VEZT: variants seen among roughly 807,000 people sequenced by gnomAD.
VEZT encodes the protein vezatin, adherens junctions transmembrane protein, also known as vezatin.
In VEZT, 39 loss-of-function variants were observed where a neutral mutation model predicts 79.9. The ratio of observed to expected loss-of-function variants is 0.49; its 90% CI spans 0.38 to 0.64. VEZT has a LOEUF of 0.64. Ranked by LOEUF, VEZT falls within the 30% of genes least tolerant of loss-of-function variation. The pLI, the probability that VEZT is intolerant of heterozygous loss-of-function variation, is 0.00. For missense variants in VEZT, 837 were observed against 893.1 expected (o/e 0.94, Z 0.80); for synonymous variants, 325 against 327.6 (o/e 0.99, Z 0.09).
chr12:95,250,682 A>G (rs567112189), intron 1 of VEZT, among the ~76,000 whole-genome samples: 1 of 151,954 alleles, frequency 6.6e-6, no homozygotes, highest in African/African-American at 2.4e-5. Flanking sequence ...CTGTTCAGAA[A>G]TAGTTGTCCA....
chr12:95,283,121 C>A (rs1313787305), intron 8 of VEZT, among the ~76,000 whole-genome samples: 2 of 152,106 alleles, frequency 1.3e-5, no homozygotes, highest in Admixed American at 6.5e-5. Flanking sequence ...TATCACAGGA[C>A]AAGCTTTGTG....
At chr12:95,289,129 T>TAAATAAATAAATAAAA (rs1343956093) in intron 9 of VEZT, among the ~76,000 whole-genome samples, 2 of 141,500 alleles carry the variant, frequency 1.4e-5, no homozygotes, top group Non-Finnish European at 1.6e-5. Flanking sequence ...AATAAATAAA[T>TAAATAAATAAATAAAA]AAAAAAGGCC....
chr12:95,294,339 C>G lies in VEZT; in HGVS notation c.1590C>G (p.His530Gln). The change falls in exon 10 of 12, where the codon CAC (histidine) becomes CAG (glutamine). Residue 530 changes from histidine (H) to glutamine (Q), a missense_variant. Physicochemically the swap from His to Gln is conservative, Grantham distance 24. Transcript: ENST00000436874. ...TVVPLKQPTLHIADKDPIPEE... is the reference protein window; with the variant it reads ...TVVPLKQPTLQIADKDPIPEE... ...TACCTTTGAAGCAGCCTACTCTACACATTGCAGACAAAGATCCAATCCCAG... is the reference window on the plus strand; with the variant it reads ...TACCTTTGAAGCAGCCTACTCTACAGATTGCAGACAAAGATCCAATCCCAG... 1 of 1,588,458 alleles carries G rather than the reference C, an allele frequency of 6.3e-7. No homozygotes were observed. Among genetic ancestry groups the G allele is most frequent in the Admixed American group, 1.8e-5 (1 of 56,074 alleles).
chr12:95,236,114 G>A (rs1229513469), intron 1 of VEZT, among the ~76,000 whole-genome samples: 2 of 152,150 alleles, frequency 1.3e-5, no homozygotes, highest in Non-Finnish European at 2.9e-5. Flanking sequence ...TCACGCCACT[G>A]CACTCCAGCC....
intron 7 of VEZT, among the ~76,000 whole-genome samples, chr12:95,279,543 A>G (rs888975244): frequency 6.6e-6 from 1 of 152,220 alleles, no homozygotes; most frequent in Non-Finnish European, 1.5e-5. Flanking sequence ...GGAAAAAAGA[A>G]ATACATATTT....
chr12:95,291,774 A>G (rs1357541672), intron 9 of VEZT, among the ~76,000 whole-genome samples: 3 of 152,132 alleles, frequency 2.0e-5, no homozygotes, highest in Non-Finnish European at 4.4e-5. Context: ...GTGGGTTTTT[A>G]AAATTTTTTT....
chr12:95,280,719 A>AT (rs2068874244), intron 7 of VEZT, among the ~76,000 whole-genome samples: 1 of 152,090 alleles, frequency 6.6e-6, no homozygotes, highest in South Asian at 2.1e-4. Context: ...GGGACTCTTC[A>AT]TTTTTGCTCA....
chr12:95,289,129 T>TAAATAAATAAAA (rs1343956093), intron 9 of VEZT, among the ~76,000 whole-genome samples: 31 of 141,452 alleles, frequency 2.2e-4, no homozygotes, highest in South Asian at 2.3e-4. Flanking sequence ...AATAAATAAA[T>TAAATAAATAAAA]AAAAAAGGCC....
chr12:95,294,567 A>T (rs1030268119), intron 10 of VEZT, among the ~76,000 whole-genome samples, 195 bp downstream of exon 10: 1 of 152,206 alleles, frequency 6.6e-6, no homozygotes, highest in Non-Finnish European at 1.5e-5. Flanking sequence ...TGGCTTTCAA[A>T]AGTGATTAAA....
intron 1 of VEZT, among the ~76,000 whole-genome samples, chr12:95,236,294 G>A (rs144401537): frequency 0.084 from 12,734 of 152,222 alleles, 575 homozygotes; most frequent in Middle Eastern, 0.12. Flanking sequence ...GTGGCGGCGC[G>A]CGCCTGTAAT....
chr12:95,240,021 A>G (rs11107951), intron 1 of VEZT, among the ~76,000 whole-genome samples: 1,910 of 81,256 alleles, frequency 0.024, 21 homozygotes, highest in African/African-American at 0.055. Context: ...AGAGAGAAAG[A>G]AAGGAAGGAA....
intron 11 of VEZT, among the ~76,000 whole-genome samples, chr12:95,298,187 C>T (rs1052070896): frequency 7.2e-5 from 11 of 151,952 alleles, no homozygotes; most frequent in African/African-American, 2.7e-4. Flanking sequence ...ATTCTGCCTT[C>T]TCCACCAAGC....
chr12:95,277,820 A>G (rs1181962174), intron 7 of VEZT, among the ~76,000 whole-genome samples: 1 of 152,236 alleles, frequency 6.6e-6, no homozygotes, highest in African/African-American at 2.4e-5. Flanking sequence ...GGTACCCCCA[A>G]ATGGTAATAG....
At chr12:95,288,712 A>G (rs1254210201) in intron 9 of VEZT, among the ~76,000 whole-genome samples, 1 of 152,228 alleles carries the variant, frequency 6.6e-6, no homozygotes, top group Non-Finnish European at 1.5e-5. Context: ...AGGAAATATT[A>G]ACATGCTAAT....
chr12:95,282,745 C>A, intron 8 of VEZT, 101 bp downstream of exon 8: 3 of 932,602 alleles, frequency 3.2e-6, no homozygotes, highest in Non-Finnish European at 1.5e-6. Context: ...AAAAAAGAAA[C>A]AAAACTGAGG....
chr12:95,300,832 T>C lies in VEZT; in HGVS notation c.*159T>C. 1 of 971,518 alleles carries C rather than the reference T, an allele frequency of 1.0e-6. No homozygotes were observed. Among genetic ancestry groups the C allele is most frequent in the Non-Finnish European group, 1.4e-6 (1 of 727,764 alleles). The allele number at this position is 971,518 out of a possible 1,614,324, so 60.2% of individuals were successfully genotyped here. ...GTTTGAATAACTGATCTGAAATTAG[T>C]AGTTACCTGTAAATGGCAGATCTTT... On this transcript the variant is annotated 3_prime_UTR_variant, in exon 12 of 12. Transcript: ENST00000436874.
intron 3 of VEZT, among the ~76,000 whole-genome samples, chr12:95,262,041 C>T (rs368128619): frequency 2.0e-5 from 3 of 152,332 alleles, no homozygotes; most frequent in East Asian, 3.9e-4. Context: ...GGCTTTTATC[C>T]TGTACCATCC....
intron 5 of VEZT, among the ~76,000 whole-genome samples, chr12:95,268,593 T>C (rs2138678178): frequency 6.6e-6 from 1 of 152,316 alleles, no homozygotes; most frequent in African/African-American, 2.4e-5. Context: ...TAGGCGTGTA[T>C]AGAGGATTCT....
intron 1 of VEZT, among the ~76,000 whole-genome samples, chr12:95,247,579 G>A (rs2061895103): frequency 6.6e-6 from 1 of 151,634 alleles, no homozygotes; most frequent in Non-Finnish European, 1.5e-5. Context: ...TTTTAGTTTT[G>A]AGTTCTAATA....
Sources: gnomAD v4.1 joint callset for allele counts (sites outside exome capture counted in the v4.1 genomes callset) on GRCh38, gnomAD v4.1.1 for gene constraint, MANE v1.5 for transcripts, NCBI Gene and HGNC (gene_info 2026-07-23, HGNC 2026-07-21) for gene names.